HOMER2: variants seen among roughly 807,000 people sequenced by gnomAD.
HOMER2 encodes the protein homer protein homolog 2.
A neutral mutation model predicts 47.0 loss-of-function variants in HOMER2; 27 were observed. The ratio of observed to expected loss-of-function variants is 0.57; its 90% CI spans 0.42 to 0.79. HOMER2 has a LOEUF of 0.79. HOMER2 is among the 30% of genes least tolerant of loss of function. HOMER2 has a pLI of 0.00. For missense variants in HOMER2, 443 were observed against 435.0 expected (o/e 1.02, Z -0.16); for synonymous variants, 161 against 163.8 (o/e 0.98, Z 0.13).
At chr15:82,904,382 A>C (rs1313875552) in intron 1 of HOMER2, among the ~76,000 whole-genome samples, 1 of 151,402 alleles carries the variant, frequency 6.6e-6, no homozygotes, top group Non-Finnish European at 1.5e-5. Flanking sequence ...AGAGTTAAAA[A>C]CTCCAGAGGG....
At chr15:82,934,749 G>A (rs1198163405) in intron 1 of HOMER2, among the ~76,000 whole-genome samples, 1 of 152,164 alleles carries the variant, frequency 6.6e-6, no homozygotes, top group African/African-American at 2.4e-5. Flanking sequence ...GTCAAAACAG[G>A]GTGGACAAGT....
intron 2 of HOMER2, among the ~76,000 whole-genome samples, chr15:82,891,200 C>G (rs2052693925): frequency 6.6e-6 from 1 of 152,162 alleles, no homozygotes; most frequent in African/African-American, 2.4e-5. Flanking sequence ...CTGCTCCAAC[C>G]CAACAAACCA....
chr15:82,924,766 C>T (rs2053816657), intron 1 of HOMER2, among the ~76,000 whole-genome samples: 2 of 152,160 alleles, frequency 1.3e-5, no homozygotes, highest in South Asian at 4.1e-4. Context: ...CCCAATTTTC[C>T]CAACAACCTT....
In HOMER2 at chr15:82,851,193, A is replaced by C. The variant is rs1258659810; in HGVS notation, c.801T>G (p.Pro267=). The change falls in exon 8 of 9, where the codon CCT becomes CCG. Residue 267 remains proline, a synonymous_variant. Transcript: ENST00000450735. ...CATATTCGCACTCTGACATGAGCTG[A>C]GGTATGATTTCACTTTGTTTTCGGA... is the stretch of plus-strand genomic sequence containing the variant. ...KDLRKQSEII[P]QLMSECEYVS... is the part of the protein sequence containing the mutation. The C allele has an allele frequency of 7.6e-6, 12 of 1,572,614 alleles. No individual in the cohort carries two copies. The highest frequency in any genetic ancestry group is 1.0e-5 in the Non-Finnish European group (12 of 1,157,274).
Position 82,888,691 on chromosome 15 carries a change from G to C in HOMER2, c.162+3994C>G, listed in dbSNP as rs1197808963. On this transcript the variant is annotated intron_variant, in intron 2 of 8. Coordinates refer to ENST00000450735, the MANE Select transcript of HOMER2 (RefSeq NM_004839.4). ...GTCCGTCACCCCTTTCTTTGACTCG[G>C]AAAGGGAACTCCCTGACCCCTTGCG... Among the ~76,000 whole-genome samples, 24 of 79,064 alleles carry C rather than the reference G, an allele frequency of 3.0e-4. 9 individuals are homozygous for C. In the Admixed American group the frequency reaches 3.2e-3, roughly 11 times the overall value. The allele number at this position is 79,064 out of a possible 152,430, so 51.9% of individuals were successfully genotyped here. A position where few individuals can be genotyped will look rare whatever the true frequency, so the allele number is the denominator to read the frequency against.
At chr15:82,951,527 G>T (rs962183030) in intron 1 of HOMER2, among the ~76,000 whole-genome samples, 1 of 152,230 alleles carries the variant, frequency 6.6e-6, no homozygotes, top group African/African-American at 2.4e-5. Context: ...AAACAGGAAA[G>T]CAAGATCTCT....
chr15:82,952,790 C>T, upstream of HOMER2: 1 of 848,988 alleles, frequency 1.2e-6, no homozygotes, highest in Non-Finnish European at 1.4e-6. Flanking sequence ...CTACCCCCGC[C>T]CGGCTCCTTA....
At chr15:82,874,162 G>A (rs2151067756) in intron 3 of HOMER2, among the ~76,000 whole-genome samples, 1 of 152,346 alleles carries the variant, frequency 6.6e-6, no homozygotes, top group Middle Eastern at 3.4e-3. Flanking sequence ...TGTCAGCAGA[G>A]CAGAGGCTGG....
intron 1 of HOMER2, among the ~76,000 whole-genome samples, chr15:82,932,104 C>T (rs1007802509): frequency 2.0e-5 from 3 of 152,160 alleles, no homozygotes; most frequent in Non-Finnish European, 4.4e-5. Context: ...ACTCTTCTCA[C>T]CCAACTCCAT....
intron 6 of HOMER2, among the ~76,000 whole-genome samples, chr15:82,852,979 T>C (rs528050980): frequency 1.3e-5 from 2 of 152,322 alleles, no homozygotes; most frequent in East Asian, 3.9e-4. Flanking sequence ...AAAATGTGTG[T>C]GCAGAGTGGA....
At chr15:82,915,843 G>A (rs550974979) in intron 1 of HOMER2, among the ~76,000 whole-genome samples, 3 of 152,154 alleles carry the variant, frequency 2.0e-5, no homozygotes, top group Admixed American at 6.5e-5. Flanking sequence ...AAATAAACCT[G>A]TAAATAAACT....
downstream of HOMER2, among the ~76,000 whole-genome samples, chr15:82,836,399 C>G (rs2051127355): frequency 6.6e-6 from 1 of 152,244 alleles, no homozygotes; most frequent in Non-Finnish European, 1.5e-5. Context: ...GGTTGCCTCC[C>G]CTGGGCAGCC....
In HOMER2 at chr15:82,984,032, A is replaced by AT. The variant is rs1245482427; in HGVS notation, n.82+1754dup. The stretch of plus-strand genomic sequence containing the variant: ...AGAATAGTACTATTCAATTATTATT[A>AT]TTATTTTTTTTTTTTTTTGAGACGG... On this transcript the variant is annotated intron_variant and non_coding_transcript_variant, in intron 1 of 1. Transcript: ENST00000500334. Among the ~76,000 whole-genome samples the AT allele has an allele frequency of 3.4e-4, 48 of 141,118 alleles. 1 individual carries two copies. The highest frequency in any genetic ancestry group is 3.3e-3 in the South Asian group (15 of 4,520). The allele number at this position is 141,118 out of a possible 152,430, so 92.6% of individuals were successfully genotyped here. A position where few individuals can be genotyped will look rare whatever the true frequency, so the allele number is the denominator to read the frequency against.
intron 3 of HOMER2, among the ~76,000 whole-genome samples, chr15:82,865,628 A>G (rs910615235): frequency 6.6e-5 from 10 of 152,208 alleles, no homozygotes; most frequent in African/African-American, 1.7e-4. Context: ...GATAAGCCCT[A>G]TGATATGGTT....
chr15:82,853,252 TCCTCCACTCCCC>T (rs972485942), intron 6 of HOMER2, among the ~76,000 whole-genome samples: 3 of 135,944 alleles, frequency 2.2e-5, no homozygotes, highest in Non-Finnish European at 4.9e-5. Flanking sequence ...GTGATGCTCT[TCCTCCACTCCCC>T]CCGCACTGCT....
intron 1 of HOMER2, among the ~76,000 whole-genome samples, chr15:82,965,865 T>C (rs567762509): frequency 1.7e-3 from 260 of 151,490 alleles, no homozygotes; most frequent in Non-Finnish European, 2.6e-3. Flanking sequence ...GAGGCCGAGA[T>C]GGGAGGATCG....
At chr15:82,838,607 A>G (rs1308004142) in exon 2 of HOMER2, 1 of 152,272 alleles carries the variant, frequency 6.6e-6, no homozygotes, top group East Asian at 1.9e-4. Context: ...CCTATGTCCC[A>G]AGCATGGGAT....
intron 2 of HOMER2, among the ~76,000 whole-genome samples, chr15:82,888,735 G>A (rs2052618679): frequency 1.2e-5 from 1 of 82,942 alleles, no homozygotes. Context: ...GTGAGGCAAT[G>A]CCTCGCCCTG....
At chr15:82,920,963 G>A (rs988752188) in intron 1 of HOMER2, among the ~76,000 whole-genome samples, 1 of 151,342 alleles carries the variant, frequency 6.6e-6, no homozygotes, top group African/African-American at 2.4e-5. Context: ...GACTACCACA[G>A]CACTCAGCTT....
Sources: gnomAD v4.1 joint callset for allele counts (sites outside exome capture counted in the v4.1 genomes callset) on GRCh38, gnomAD v4.1.1 for gene constraint, MANE v1.5 for transcripts, NCBI Gene and HGNC (gene_info 2026-07-23, HGNC 2026-07-21) for gene names.